The following PRIMA1 variants were observed in gnomAD, a reference collection of about 807,000 sequenced individuals.
PRIMA1 encodes the protein proline rich membrane anchor 1, also known as proline-rich membrane anchor 1.
In PRIMA1, 7 loss-of-function variants were observed where a neutral mutation model predicts 17.5. The ratio of observed to expected loss-of-function variants is 0.40; its 90% CI spans 0.23 to 0.75. The LOEUF (loss-of-function observed/expected upper bound fraction) is 0.75, where lower values mean the gene tolerates loss of function less well. PRIMA1 is among the 30% of genes least tolerant of loss of function. PRIMA1 has a pLI of 0.37. For missense variants in PRIMA1, 200 were observed against 201.8 expected (o/e 0.99, Z 0.05); for synonymous variants, 97 against 77.9 (o/e 1.25, Z -1.29).
chr14:93,751,554 C>T (rs111854652), intron 3 of PRIMA1, among the ~76,000 whole-genome samples: 345 of 152,258 alleles, frequency 2.3e-3, no homozygotes, highest in Non-Finnish European at 4.1e-3. Context: ...AAATTATATC[C>T]CAATGAGATG....
At chr14:93,770,497 GT>G (rs776065179) in intron 3 of PRIMA1, among the ~76,000 whole-genome samples, 3 of 152,148 alleles carry the variant, frequency 2.0e-5, no homozygotes, top group Non-Finnish European at 4.4e-5. Context: ...TGCACATGCT[GT>G]TTCCTCTGAT....
At chr14:93,749,194 C>T (rs746062208) in intron 3 of PRIMA1, among the ~76,000 whole-genome samples, 10 of 152,294 alleles carry the variant, frequency 6.6e-5, no homozygotes, top group Non-Finnish European at 8.8e-5. Flanking sequence ...GGGCTGCAGA[C>T]GCACGGCTGC....
chr14:93,746,810 A>G (rs990783570), intron 3 of PRIMA1, among the ~76,000 whole-genome samples: 3 of 152,058 alleles, frequency 2.0e-5, no homozygotes, highest in African/African-American at 7.2e-5. Context: ...ATTTCATGGA[A>G]ATGTGGATGT....
At chr14:93,744,995 T>C (rs1393540035) in intron 3 of PRIMA1, among the ~76,000 whole-genome samples, 1 of 152,054 alleles carries the variant, frequency 6.6e-6, no homozygotes, top group Non-Finnish European at 1.5e-5. Flanking sequence ...AACGGGTCTC[T>C]TGCCCTGCAG....
chr14:93,735,885 C>T (rs904694361), intron 4 of PRIMA1, among the ~76,000 whole-genome samples: 1 of 152,108 alleles, frequency 6.6e-6, no homozygotes. Flanking sequence ...GACGGGGTTT[C>T]ACCATGTGGG....
At chr14:93,763,489 C>T (rs1253669055) in intron 3 of PRIMA1, among the ~76,000 whole-genome samples, 1 of 152,192 alleles carries the variant, frequency 6.6e-6, no homozygotes, top group Non-Finnish European at 1.5e-5. Context: ...ACTATTGAAG[C>T]TCACACCACC....
intron 3 of PRIMA1, among the ~76,000 whole-genome samples, chr14:93,756,525 T>C (rs2076291368): frequency 6.6e-6 from 1 of 152,170 alleles, no homozygotes; most frequent in South Asian, 2.1e-4. Flanking sequence ...CTATAGCTCC[T>C]GGCCCCGGAC....
At chr14:93,770,977 T>C (rs961110754) in intron 3 of PRIMA1, among the ~76,000 whole-genome samples, 5 of 152,222 alleles carry the variant, frequency 3.3e-5, no homozygotes, top group African/African-American at 7.2e-5. Flanking sequence ...GGATCAAGCA[T>C]TGGTCAAGTC....
chr14:93,740,194 G>A (rs2141163414), intron 3 of PRIMA1, among the ~76,000 whole-genome samples: 1 of 152,300 alleles, frequency 6.6e-6, no homozygotes, highest in Non-Finnish European at 1.5e-5. Context: ...ACACTGAAAA[G>A]ATACAGAATA....
At chr14:93,776,530 C>G (rs1243061211) in intron 3 of PRIMA1, among the ~76,000 whole-genome samples, 1 of 152,184 alleles carries the variant, frequency 6.6e-6, no homozygotes, top group South Asian at 2.1e-4. Flanking sequence ...AGTCTGCCAG[C>G]TCAACCCCAA....
At chr14:93,748,504 G>A (rs2076240735) in intron 3 of PRIMA1, among the ~76,000 whole-genome samples, 1 of 152,194 alleles carries the variant, frequency 6.6e-6, no homozygotes, top group Non-Finnish European at 1.5e-5. Context: ...AGCCCGACAG[G>A]GTGCAGGAGC....
intron 2 of PRIMA1, among the ~76,000 whole-genome samples, chr14:93,780,192 T>A (rs1885340189): frequency 6.6e-6 from 1 of 152,238 alleles, no homozygotes; most frequent in Non-Finnish European, 1.5e-5. Flanking sequence ...TGACTCAGCT[T>A]GGCGATGACC....
chr14:93,753,009 C>T (rs1424041444), intron 3 of PRIMA1, among the ~76,000 whole-genome samples: 1 of 152,214 alleles, frequency 6.6e-6, no homozygotes, highest in Non-Finnish European at 1.5e-5. Flanking sequence ...CAGTAGCACC[C>T]CTCCCCCAGC....
At chr14:93,781,296 AC>A (rs770023817) in intron 2 of PRIMA1, among the ~76,000 whole-genome samples, 9 of 152,188 alleles carry the variant, frequency 5.9e-5, no homozygotes, top group Non-Finnish European at 1.2e-4. Flanking sequence ...TGGGAAATCC[AC>A]CGGCTTCTAG....
At chr14:93,739,993 A>G (rs2076174817) in intron 3 of PRIMA1, among the ~76,000 whole-genome samples, 1 of 151,948 alleles carries the variant, frequency 6.6e-6, no homozygotes, top group African/African-American at 2.4e-5. Context: ...TTGAACCGGG[A>G]GGTGGAGGTT....
intron 3 of PRIMA1, among the ~76,000 whole-genome samples, chr14:93,777,304 T>A (rs916278777): frequency 6.6e-6 from 1 of 151,822 alleles, no homozygotes; most frequent in East Asian, 1.9e-4. Flanking sequence ...GATGCCCTTT[T>A]CCCCCAACCT....
At chr14:93,777,190 C>T (rs1405112982) in intron 3 of PRIMA1, among the ~76,000 whole-genome samples, 2 of 152,188 alleles carry the variant, frequency 1.3e-5, no homozygotes, top group Non-Finnish European at 2.9e-5. Flanking sequence ...TCTAGGTCCT[C>T]CTCCTTGGCC....
At position 93,767,201 on chromosome 14, in the gene PRIMA1, A is replaced by C. The variant is rs182758504; in HGVS notation, c.229+11975T>G. 2.6e-4 allele frequency among the ~76,000 whole-genome samples: 40 copies of C among 152,128 alleles called. 1 individual carries two copies. The highest frequency in any genetic ancestry group is 9.7e-4 in the African/African-American group (40 of 41,448). On this transcript the variant is annotated intron_variant, in intron 3 of 4. Transcript: ENST00000393140. The stretch of plus-strand genomic sequence containing the variant: ...AGCAAACGTCACAACAGCTACATTT[A>C]TTAAGAACGATGTATGCCAAGCCCT...
At chr14:93,771,142 GTGTGTGTGTGCGCA>G (rs1248786091) in intron 3 of PRIMA1, among the ~76,000 whole-genome samples, 1 of 151,830 alleles carries the variant, frequency 6.6e-6, no homozygotes, top group African/African-American at 2.4e-5. Flanking sequence ...GTGCACGTAT[GTGTGTGTGTGCGCA>G]TGTATGTGTG....
Sources: gnomAD v4.1 joint callset for allele counts (sites outside exome capture counted in the v4.1 genomes callset) on GRCh38, gnomAD v4.1.1 for gene constraint, MANE v1.5 for transcripts, NCBI Gene and HGNC (gene_info 2026-07-23, HGNC 2026-07-21) for gene names.